The following DNAH6 variants were observed in gnomAD, a reference collection of about 807,000 sequenced individuals.
DNAH6 encodes dynein axonemal heavy chain 6.
Under a neutral mutation model 491.4 loss-of-function variants are expected in DNAH6, and 340 were observed. The ratio of observed to expected loss-of-function variants is 0.69; its 90% CI spans 0.63 to 0.76. The LOEUF is 0.76. DNAH6 is among the 30% of genes least tolerant of loss of function. The probability of loss-of-function intolerance (pLI) is 0.00; values close to 1 mark genes in which losing one functional copy is unlikely to be tolerated. For synonymous variants in DNAH6, 1,603 were observed against 1,686.1 expected (o/e 0.95, Z 1.21); for missense variants, 4,443 against 4,972.2 (o/e 0.89, Z 3.20).
At position 84,530,126 on chromosome 2, in the gene DNAH6, A is replaced by G. The variant is rs191738763; in HGVS notation, c.662+960A>G. Among the ~76,000 whole-genome samples, 315 of 152,310 alleles carry G rather than the reference A, an allele frequency of 2.1e-3. 1 individual carries two copies. The highest frequency in any genetic ancestry group is 7.3e-3 in the African/African-American group (303 of 41,576). On this transcript the variant is annotated intron_variant, in intron 4 of 76. Coordinates refer to ENST00000389394, the MANE Select transcript of DNAH6 (RefSeq NM_001370.2). Reference sequence around the variant, plus strand: ...TTTTACGTGCTTGAGACACATTAGTAAACCATCCATATCAAAATTGTTGCC... The same window carrying G: ...TTTTACGTGCTTGAGACACATTAGTGAACCATCCATATCAAAATTGTTGCC...
chr2:84,678,689 G>A (rs1229065492), intron 41 of DNAH6, among the ~76,000 whole-genome samples: 3 of 152,142 alleles, frequency 2.0e-5, no homozygotes, highest in Admixed American at 6.5e-5. Context: ...CCATGGAAAT[G>A]TGTCACCCAT....
Position 84,670,347 on chromosome 2 carries a change from T to C in DNAH6, c.6326T>C (p.Leu2109Ser), listed in dbSNP as rs1168087298. The change falls in exon 39 of 77, where the codon TTG (leucine) becomes TCG (serine). Residue 2109 changes from leucine to serine, a missense_variant. Physicochemically the swap from Leu to Ser is moderately radical, Grantham distance 145. Transcript: ENST00000389394. ...TTTAAGTCTGTGATTGCAAAAGGATTGCTAAATAAAATTCAAGAATCAGCT... is the reference window on the plus strand; with the variant it reads ...TTTAAGTCTGTGATTGCAAAAGGATCGCTAAATAAAATTCAAGAATCAGCT... The part of the protein sequence containing the change: ...GVGKSVIAKG[L>S]LNKIQESAGY... 5.2e-6 allele frequency: 8 copies of C among 1,532,244 alleles called. No homozygotes were observed. Among genetic ancestry groups the C allele is most frequent in the Non-Finnish European group, 7.0e-6 (8 of 1,136,710 alleles). 94.9% of individuals were successfully genotyped at this position (1,532,244 alleles called of 1,614,324 possible). A position where few individuals can be genotyped will look rare whatever the true frequency, so the allele number is the denominator to read the frequency against.
intron 41 of DNAH6, among the ~76,000 whole-genome samples, chr2:84,678,770 C>G (rs1165023281): frequency 1.3e-5 from 2 of 152,128 alleles, no homozygotes; most frequent in African/African-American, 4.8e-5. Context: ...CCCACTGTAA[C>G]TTTACAGGTT....
At chr2:84,628,310 A>G (rs1688070595) in intron 29 of DNAH6, among the ~76,000 whole-genome samples, 1 of 152,132 alleles carries the variant, frequency 6.6e-6, no homozygotes, top group African/African-American at 2.4e-5. Flanking sequence ...TTCTGCCTTA[A>G]ATGTCCCTTC....
At position 84,677,033 on chromosome 2, in the gene DNAH6, C is replaced by T. The variant is rs1693298546; in HGVS notation, c.6641C>T (p.Pro2214Leu). Residue 2214 changes from proline (P) to leucine (L), a missense_variant, in exon 41 of 77, where the codon CCT (proline) becomes CTT (leucine). By Grantham distance (98) the Pro-to-Leu change is moderately conservative. Around this residue, in one of 3 missense-constraint regions of DNAH6, gnomAD observed 2,977 missense variants for 3,296.6 expected, o/e 0.90. Transcript: ENST00000389394. ...GTAACAATCATATCGGCATGTGCACCTCCAGGCGGTGGCCGCAACCCTGTG... is the reference window on the plus strand; with the variant it reads ...GTAACAATCATATCGGCATGTGCACTTCCAGGCGGTGGCCGCAACCCTGTG... The part of the protein sequence containing the change: ...QDVTIISACA[P>L]PGGGRNPVTP... 6.4e-7 allele frequency: 1 copy of T among 1,551,654 alleles called. No homozygotes were observed. The highest frequency in any genetic ancestry group is 1.2e-5 in the South Asian group (1 of 84,070).
intron 33 of DNAH6, among the ~76,000 whole-genome samples, chr2:84,642,577 T>A (rs950226151): frequency 6.6e-6 from 1 of 152,188 alleles, no homozygotes; most frequent in African/African-American, 2.4e-5. Context: ...TCCAAACTTC[T>A]TAATACCACA....
At chr2:84,637,418 T>C (rs780898034) in intron 31 of DNAH6, 41 bp downstream of exon 31, 133 of 1,477,230 alleles carry the variant, frequency 9.0e-5, no homozygotes, top group Non-Finnish European at 1.2e-4. Context: ...GTAAACTTCT[T>C]TCTTTTATTT....
At chr2:84,542,519 T>A (rs1018719561) in intron 4 of DNAH6, among the ~76,000 whole-genome samples, 4 of 152,112 alleles carry the variant, frequency 2.6e-5, no homozygotes, top group Non-Finnish European at 5.9e-5. Flanking sequence ...TTGAAGCTTT[T>A]CCATGGCAGC....
intron 61 of DNAH6, among the ~76,000 whole-genome samples, chr2:84,730,830 G>T (rs560284079): frequency 6.6e-6 from 1 of 152,264 alleles, no homozygotes; most frequent in Non-Finnish European, 1.5e-5. Context: ...TATTATTAGA[G>T]ATCAAAATAC....
At chr2:84,516,830 C>T (rs1675641567) in intron 1 of DNAH6, among the ~76,000 whole-genome samples, 1 of 152,180 alleles carries the variant, frequency 6.6e-6, no homozygotes. Flanking sequence ...ATACGGTAAT[C>T]TTTAGACCTC....
chr2:84,806,613 A>G (rs923418350), intron 71 of DNAH6, among the ~76,000 whole-genome samples: 2 of 129,740 alleles, frequency 1.5e-5, no homozygotes, highest in African/African-American at 6.0e-5. Context: ...AGCAAGACTC[A>G]GTCTCAAAAA....
chr2:84,580,308 ATACACACG>A (rs954576871), intron 14 of DNAH6, among the ~76,000 whole-genome samples: 1 of 68,958 alleles, frequency 1.5e-5, no homozygotes, highest in Non-Finnish European at 2.7e-5. Context: ...ATACACACAC[ATACACACG>A]CACACACACA....
At position 84,598,154 on chromosome 2, in the gene DNAH6, T is replaced by TCTTTCTTTCTTG. The variant is rs1553438063; in HGVS notation, c.2868+2376_2868+2377insGCTTTCTTTCTT. The stretch of plus-strand genomic sequence containing the variant: ...TTCTTTCTTTCTTTCTTTCTTTCTT[T>TCTTTCTTTCTTG]CTTTCTTTCTTTCTTTCTTTCTTTC... On this transcript the variant is annotated intron_variant, in intron 18 of 76. Coordinates refer to ENST00000389394, the MANE Select transcript of DNAH6 (RefSeq NM_001370.2). Among the ~76,000 whole-genome samples, 661 of 64,858 alleles carry TCTTTCTTTCTTG rather than the reference T, an allele frequency of 0.01. 14 individuals are homozygous for TCTTTCTTTCTTG. In the East Asian group the frequency reaches 0.15, roughly 15 times the overall value. The allele number at this position is 64,858 out of a possible 152,430, so 42.5% of individuals were successfully genotyped here.
chr2:84,553,561 C>T (rs1679715305), intron 10 of DNAH6, among the ~76,000 whole-genome samples: 2 of 150,740 alleles, frequency 1.3e-5, no homozygotes, highest in Non-Finnish European at 3.0e-5. Flanking sequence ...CTCCAAGGCT[C>T]AAGCAATCCT....
At chr2:84,710,839 A>G (rs922086604) in intron 56 of DNAH6, among the ~76,000 whole-genome samples, 10 of 151,880 alleles carry the variant, frequency 6.6e-5, no homozygotes, top group African/African-American at 2.4e-4. Flanking sequence ...TTAGATAAGA[A>G]TTAACTTTTG....
At chr2:84,528,059 A>G (rs990344355) in intron 3 of DNAH6, among the ~76,000 whole-genome samples, 1 of 152,166 alleles carries the variant, frequency 6.6e-6, no homozygotes, top group Non-Finnish European at 1.5e-5. Context: ...CATGGGAGGA[A>G]CAGATATGGG....
chr2:84,530,766 C>T (rs1199957631), intron 4 of DNAH6, among the ~76,000 whole-genome samples: 3 of 152,078 alleles, frequency 2.0e-5, no homozygotes, highest in East Asian at 1.9e-4. Context: ...GTGAAGCCAA[C>T]GGAATGTCTT....
chr2:84,706,541 T>C (rs895171026), intron 52 of DNAH6, among the ~76,000 whole-genome samples: 6 of 152,254 alleles, frequency 3.9e-5, no homozygotes, highest in Non-Finnish European at 8.8e-5. Context: ...ACCTCTGATG[T>C]GGAGAACTAG....
intron 64 of DNAH6, among the ~76,000 whole-genome samples, chr2:84,764,168 G>A (rs754246314): frequency 6.6e-6 from 1 of 152,132 alleles, no homozygotes; most frequent in African/African-American, 2.4e-5. Flanking sequence ...AATATCTCAT[G>A]CCTCAGACAA....
Sources: gnomAD v4.1 joint callset for allele counts (sites outside exome capture counted in the v4.1 genomes callset) on GRCh38, gnomAD v4.1.1 for gene constraint, gnomAD v4.1.1 regional missense constraint, MANE v1.5 for transcripts, NCBI Gene and HGNC (gene_info 2026-07-23, HGNC 2026-07-21) for gene names.